Variants in PDE1A observed in about 807,000 individuals in gnomAD.
PDE1A encodes dual specificity calcium/calmodulin-dependent 3',5'-cyclic nucleotide phosphodiesterase 1A.
PDE1A carries 35 observed loss-of-function variants against 61.7 expected under a neutral mutation model. The observed-to-expected ratio is 0.57, with a 90% CI of 0.43 to 0.75. The LOEUF is 0.75. Among genes scored for constraint, PDE1A ranks in the 30% least tolerant of loss-of-function variants. PDE1A has a pLI of 0.00. For missense variants in PDE1A, 597 were observed against 630.6 expected, an observed-to-expected ratio of 0.95 and a Z score of 0.57; for synonymous variants, 232 against 213.2, an observed-to-expected ratio of 1.09 and a Z score of -0.77.
chr2:182,598,088 A>C, the PDE1A span, among the ~76,000 whole-genome samples: 1 of 152,242 alleles, frequency 6.6e-6, no homozygotes, highest in African/African-American at 2.4e-5. Flanking sequence ...GGCTCCCTAA[A>C]GACCATTAAG....
At chr2:182,385,651 G>GAAAGAAAGAAAGAAAGAAGAAAA in intron 1 of PDE1A, among the ~76,000 whole-genome samples, 1 of 134,132 alleles carries the variant, frequency 7.5e-6, no homozygotes, top group African/African-American at 2.7e-5. Flanking sequence ...AAGAAAGAAA[G>GAAAGAAAGAAAGAAAGAAGAAAA]AAAGAAAGAA....
chr2:182,536,624 T>C, the PDE1A span, among the ~76,000 whole-genome samples: 2 of 152,156 alleles, frequency 1.3e-5, no homozygotes, highest in Admixed American at 6.5e-5. Flanking sequence ...ATGTGGAAGA[T>C]TGTATTTTCC....
intron 1 of PDE1A, among the ~76,000 whole-genome samples, chr2:182,399,745 G>A (rs1701897613): frequency 6.6e-6 from 1 of 151,750 alleles, no homozygotes; most frequent in Non-Finnish European, 1.5e-5. Flanking sequence ...CCACATTAAT[G>A]TAGAACTCTA....
chr2:182,479,988 G>A (rs1687608183), intron 2 of PDE1A, among the ~76,000 whole-genome samples: 1 of 151,702 alleles, frequency 6.6e-6, no homozygotes, highest in South Asian at 2.1e-4. Context: ...AAATATCATA[G>A]TACCAATTAC....
chr2:182,617,493 G>A, the PDE1A span, among the ~76,000 whole-genome samples: 10 of 152,322 alleles, frequency 6.6e-5, 2 homozygotes, highest in African/African-American at 2.4e-4. Flanking sequence ...GAGAACAACA[G>A]CTTTGCTGAG....
chr2:182,218,946 C>G lies in PDE1A; in HGVS notation c.776+4918G>C, dbSNP rs146570338. ...GATATATCAAAGTGAATAAAATTAC[C>G]TAACGTCTTATTCAGTCAGTGAATG... is the stretch of plus-strand genomic sequence containing the variant. On this transcript the variant is annotated intron_variant, in intron 7 of 13. Transcript: ENST00000351439. Among the ~76,000 whole-genome samples, 51 of 152,126 alleles carry G rather than the reference C, an allele frequency of 3.4e-4. 1 individual carries two copies. In the East Asian group the frequency reaches 9.5e-3, roughly 28 times the overall value.
chr2:182,489,425 T>C (rs1688237321), intron 2 of PDE1A, among the ~76,000 whole-genome samples: 1 of 152,180 alleles, frequency 6.6e-6, no homozygotes, highest in Non-Finnish European at 1.5e-5. Flanking sequence ...AAAGGATCAC[T>C]GACACTGCGT....
chr2:182,559,044 C>T, the PDE1A span, among the ~76,000 whole-genome samples: 4 of 152,344 alleles, frequency 2.6e-5, no homozygotes, highest in South Asian at 8.3e-4. Flanking sequence ...TTACTGTTCT[C>T]AAACTTTGAG....
chr2:182,386,443 A>C (rs1214851040), intron 1 of PDE1A, among the ~76,000 whole-genome samples: 4 of 142,584 alleles, frequency 2.8e-5, no homozygotes, highest in African/African-American at 8.1e-5. Context: ...TGTGGGGAGC[A>C]CCTCTGCCCC....
At chr2:182,556,207 G>A in the PDE1A span, among the ~76,000 whole-genome samples, 1 of 151,976 alleles carries the variant, frequency 6.6e-6, no homozygotes, top group Non-Finnish European at 1.5e-5. Flanking sequence ...CAAACATGGA[G>A]CAAGAAAAAC....
At position 182,483,669 on chromosome 2, in the gene PDE1A, C is replaced by T. The variant is rs1234384997; in HGVS notation, c.101+38607G>A. Among the ~76,000 whole-genome samples the T allele has an allele frequency of 2.0e-5, 3 of 151,718 alleles. No individual in the cohort carries two copies. The East Asian group carries it at 5.8e-4, about 29-fold the overall frequency. On this transcript the variant is annotated intron_variant, in intron 2 of 14. Transcript: ENST00000410103. ...AGTGTTTTAAAGAAAATATAGCTGT[C>T]AATGTAAATACTAAAAAAATTTTTC...
the PDE1A span, among the ~76,000 whole-genome samples, chr2:182,655,585 C>T: frequency 1.3e-5 from 2 of 152,150 alleles, no homozygotes; most frequent in South Asian, 2.1e-4. Context: ...CAGATTTGAC[C>T]CTTATTTCTA....
At chr2:182,518,108 G>A (rs73046445) in intron 2 of PDE1A, among the ~76,000 whole-genome samples, 10,032 of 152,214 alleles carry the variant, frequency 0.066, 353 homozygotes, top group Middle Eastern at 0.1. Flanking sequence ...AAGCTTTAAA[G>A]GTGTTTAAGC....
At chr2:182,209,337 G>T (rs1574703274) in intron 7 of PDE1A, among the ~76,000 whole-genome samples, 1 of 151,710 alleles carries the variant, frequency 6.6e-6, no homozygotes, top group East Asian at 2.0e-4. Flanking sequence ...AACAGTATGG[G>T]GGAAACCACC....
At chr2:182,607,562 T>C in the PDE1A span, among the ~76,000 whole-genome samples, 1 of 152,186 alleles carries the variant, frequency 6.6e-6, no homozygotes, top group Non-Finnish European at 1.5e-5. Context: ...CTCCCTATAC[T>C]GGAGTTTCAC....
chr2:182,463,078 T>C (rs947955034), intron 2 of PDE1A, among the ~76,000 whole-genome samples: 4 of 151,632 alleles, frequency 2.6e-5, no homozygotes, highest in African/African-American at 9.7e-5. Flanking sequence ...CCGTCTCTAC[T>C]AAAAATACAA....
At chr2:182,395,021 C>T (rs768146461) in intron 1 of PDE1A, among the ~76,000 whole-genome samples, 1 of 152,170 alleles carries the variant, frequency 6.6e-6, no homozygotes, top group Non-Finnish European at 1.5e-5. Context: ...TGAGAATGAC[C>T]ATGGGTTATC....
At chr2:182,336,991 A>G in intron 1 of PDE1A, among the ~76,000 whole-genome samples, 1 of 150,918 alleles carries the variant, frequency 6.6e-6, no homozygotes, top group East Asian at 1.9e-4. Flanking sequence ...AAAGAATAAA[A>G]ATAAAAGTCC....
At chr2:182,579,636 A>T in the PDE1A span, among the ~76,000 whole-genome samples, 2 of 152,150 alleles carry the variant, frequency 1.3e-5, no homozygotes, top group Non-Finnish European at 2.9e-5. Context: ...CATTGTTGGC[A>T]TAAGTCTGAA....
Sources: allele counts gnomAD v4.1 joint callset (sites outside exome capture counted in the v4.1 genomes callset), GRCh38; gene constraint gnomAD v4.1.1; transcripts MANE v1.5; gene names NCBI Gene and HGNC (gene_info 2026-07-23, HGNC 2026-07-21).